AFG2A: variants seen among roughly 807,000 people sequenced by gnomAD.
The protein encoded by AFG2A is AAA ATPase AFG2A, also known as ATPase family gene 2 protein homolog A.
chr4:123,222,461 A>G, the AFG2A span, among the ~76,000 whole-genome samples: 1 of 152,230 alleles, frequency 6.6e-6, no homozygotes, highest in Non-Finnish European at 1.5e-5. Flanking sequence ...TACACATAAA[A>G]TCACACAAGG....
chr4:123,146,498 G>T, the AFG2A span, among the ~76,000 whole-genome samples: 4 of 152,086 alleles, frequency 2.6e-5, no homozygotes, highest in African/African-American at 9.7e-5. Flanking sequence ...TGAGGTTCTT[G>T]TATTCATCAG....
At chr4:123,085,298 G>C in the AFG2A span, among the ~76,000 whole-genome samples, 1 of 152,132 alleles carries the variant, frequency 6.6e-6, no homozygotes, top group South Asian at 2.1e-4. Flanking sequence ...ATAAAGTGAT[G>C]TTGAAGTTTT....
At chr4:122,923,985 A>G in the AFG2A span, among the ~76,000 whole-genome samples, 1 of 152,358 alleles carries the variant, frequency 6.6e-6, no homozygotes, top group Non-Finnish European at 1.5e-5. Context: ...ACGTATTTAT[A>G]CTGAAAAGTC....
chr4:123,291,768 T>G, the AFG2A span, among the ~76,000 whole-genome samples: 1 of 152,226 alleles, frequency 6.6e-6, no homozygotes, highest in African/African-American at 2.4e-5. Flanking sequence ...CCTTTCAAGT[T>G]ATCTGATGCT....
chr4:123,230,844 A>G, the AFG2A span, among the ~76,000 whole-genome samples: 1 of 152,040 alleles, frequency 6.6e-6, no homozygotes, highest in South Asian at 2.1e-4. Flanking sequence ...CTACATCTCC[A>G]TCAGAGTTGT....
chr4:122,939,614 A>G, the AFG2A span, among the ~76,000 whole-genome samples: 2 of 152,006 alleles, frequency 1.3e-5, no homozygotes, highest in Non-Finnish European at 2.9e-5. Flanking sequence ...TTTGCACATT[A>G]AAAAGCTGGT....
the AFG2A span, among the ~76,000 whole-genome samples, chr4:123,058,450 C>T: frequency 4.3e-4 from 65 of 152,216 alleles, no homozygotes; most frequent in South Asian, 2.1e-3. Flanking sequence ...CATGGTGAAA[C>T]GCTGTCTCTA....
chr4:123,168,190 G>C, the AFG2A span, among the ~76,000 whole-genome samples: 1 of 152,142 alleles, frequency 6.6e-6, no homozygotes, highest in African/African-American at 2.4e-5. Flanking sequence ...AAAAGTTGTT[G>C]AGACTTCTGT....
chr4:122,979,086 C>G, the AFG2A span: 2 of 898,192 alleles, frequency 2.2e-6, no homozygotes, highest in South Asian at 3.9e-5. Flanking sequence ...CCACTGGCTT[C>G]GTGGAGTATG....
chr4:123,063,743 C>CA, the AFG2A span, among the ~76,000 whole-genome samples: 1,105 of 129,586 alleles, frequency 8.5e-3, 14 homozygotes, highest in African/African-American at 0.024. Context: ...GAGACTGTCT[C>CA]AAAAAAAAAA....
chr4:123,182,312 A>T, the AFG2A span, among the ~76,000 whole-genome samples: 2 of 152,230 alleles, frequency 1.3e-5, no homozygotes, highest in Admixed American at 6.5e-5. Context: ...ATAGTATAGC[A>T]TCTGGCAAAT....
the AFG2A span, among the ~76,000 whole-genome samples, chr4:123,097,245 G>C: frequency 5.9e-5 from 9 of 151,882 alleles, no homozygotes; most frequent in African/African-American, 1.7e-4. Flanking sequence ...ATATTCAAAT[G>C]ACTAGTATTC....
the AFG2A span, among the ~76,000 whole-genome samples, chr4:123,004,319 C>A: frequency 2.6e-5 from 4 of 152,190 alleles, no homozygotes; most frequent in Admixed American, 1.3e-4. Context: ...CACCCACTGT[C>A]CTGCGCCCAC....
At chr4:123,000,019 C>T in the AFG2A span, among the ~76,000 whole-genome samples, 6 of 151,956 alleles carry the variant, frequency 3.9e-5, no homozygotes, top group Middle Eastern at 3.2e-3. Flanking sequence ...AGGTCCTTCA[C>T]GTCCCTTGTA....
chr4:123,255,787 TG>T, the AFG2A span, among the ~76,000 whole-genome samples: 1 of 141,996 alleles, frequency 7.0e-6, no homozygotes, highest in African/African-American at 2.6e-5. Context: ...CCCAAAGTGC[TG>T]GGATTACAGG....
the AFG2A span, among the ~76,000 whole-genome samples, chr4:122,993,662 A>T: frequency 6.6e-6 from 1 of 152,076 alleles, no homozygotes; most frequent in Non-Finnish European, 1.5e-5. Flanking sequence ...CAAAAATTTA[A>T]AATTATAACA....
the AFG2A span, among the ~76,000 whole-genome samples, chr4:123,308,157 A>G: frequency 6.6e-6 from 1 of 152,368 alleles, no homozygotes; most frequent in Middle Eastern, 3.4e-3. Context: ...TCTCAAAAAT[A>G]ACAAAAGCAT....
chr4:122,923,112 T>A, the AFG2A span: 1 of 1,612,954 alleles, frequency 6.2e-7, no homozygotes, highest in Non-Finnish European at 8.5e-7. Flanking sequence ...AGTCGGCTTT[T>A]CTACTGCTTC....
At chr4:123,124,251 G>A in the AFG2A span, among the ~76,000 whole-genome samples, 3 of 152,106 alleles carry the variant, frequency 2.0e-5, no homozygotes, top group Non-Finnish European at 4.4e-5. Context: ...ATGTCCATCA[G>A]TGATAGACTG....
Sources: gnomAD v4.1 joint callset for allele counts (sites outside exome capture counted in the v4.1 genomes callset) on GRCh38, gnomAD v4.1.1 for gene constraint, MANE v1.5 for transcripts, NCBI Gene and HGNC (gene_info 2026-07-23, HGNC 2026-07-21) for gene names.